Variants in PPP6R3 observed in about 807,000 individuals in gnomAD.
The protein encoded by PPP6R3 is serine/threonine-protein phosphatase 6 regulatory subunit 3.
A neutral mutation model predicts 110.7 loss-of-function variants in PPP6R3; 38 were observed. That is an observed-to-expected ratio of 0.34 (90% CI 0.26 to 0.45). The LOEUF is 0.45. Among genes scored for constraint, PPP6R3 ranks in the 20% least tolerant of loss-of-function variants. The pLI is 1.00. For missense variants in PPP6R3, 870 were observed against 1,062.4 expected, an observed-to-expected ratio of 0.82 and a Z score of 2.52; for synonymous variants, 369 against 373.5, an observed-to-expected ratio of 0.99 and a Z score of 0.14.
At chr11:68,475,487 C>T (rs1253164421) in intron 1 of PPP6R3, among the ~76,000 whole-genome samples, 5 of 151,658 alleles carry the variant, frequency 3.3e-5, no homozygotes, top group African/African-American at 9.7e-5. Context: ...CCAGAAGGGG[C>T]GGCCGAGCAG....
intron 1 of PPP6R3, among the ~76,000 whole-genome samples, chr11:68,480,120 A>T (rs2098894383): frequency 6.6e-6 from 1 of 151,220 alleles, no homozygotes; most frequent in Non-Finnish European, 1.5e-5. Flanking sequence ...TCTTTCTAGT[A>T]CTCTGTTTAG....
chr11:68,612,246 T>C (rs1281366312), intron 23 of PPP6R3, among the ~76,000 whole-genome samples: 1 of 152,206 alleles, frequency 6.6e-6, no homozygotes, highest in Non-Finnish European at 1.5e-5. Context: ...TGTAAGTAAG[T>C]GAGCAGAGTG....
At chr11:68,609,153 T>C (rs1361942507) in intron 22 of PPP6R3, among the ~76,000 whole-genome samples, 1 of 152,192 alleles carries the variant, frequency 6.6e-6, no homozygotes, top group East Asian at 1.9e-4. Flanking sequence ...CCCACAGAGC[T>C]GAGGAGAGTG....
At chr11:68,468,272 GGTA>G (rs1293052729) in intron 1 of PPP6R3, among the ~76,000 whole-genome samples, 4 of 152,144 alleles carry the variant, frequency 2.6e-5, no homozygotes, top group Non-Finnish European at 5.9e-5. Context: ...TTTTATTTTT[GGTA>G]GTAGTATGTG....
At chr11:68,461,501 G>T (rs967823402) in intron 1 of PPP6R3, among the ~76,000 whole-genome samples, 1 of 145,910 alleles carries the variant, frequency 6.9e-6, no homozygotes, top group Non-Finnish European at 1.5e-5. Flanking sequence ...GGGTGGGGGG[G>T]GTGGGTGGTC....
intron 17 of PPP6R3, among the ~76,000 whole-genome samples, chr11:68,591,275 G>A (rs1011081214): frequency 1.3e-5 from 2 of 152,174 alleles, no homozygotes; most frequent in East Asian, 3.9e-4. Context: ...GACAGACCTG[G>A]GACCGCATCT....
At chr11:68,463,440 CAA>C (rs987335121) in intron 1 of PPP6R3, among the ~76,000 whole-genome samples, 2 of 147,568 alleles carry the variant, frequency 1.4e-5, no homozygotes, top group African/African-American at 5.0e-5. Context: ...CTCTTTAAAA[CAA>C]GTGTCACGAT....
intron 6 of PPP6R3, 58 bp downstream of exon 6, chr11:68,551,244 A>C: frequency 7.7e-7 from 1 of 1,306,226 alleles, no homozygotes; most frequent in African/African-American, 1.5e-5. Context: ...AAAACTGTTT[A>C]TTGGGCACAG....
At chr11:68,550,903 A>G (rs554639129) in intron 5 of PPP6R3, 5 of 468,708 alleles carry the variant, frequency 1.1e-5, no homozygotes, top group African/African-American at 1.0e-4. Context: ...TGGGTATTGT[A>G]ATTTGGGGAG....
intron 8 of PPP6R3, among the ~76,000 whole-genome samples, chr11:68,559,306 GTTA>G (rs1463714883): frequency 6.6e-6 from 1 of 152,202 alleles, no homozygotes; most frequent in Non-Finnish European, 1.5e-5. Context: ...TGTGTGTCAT[GTTA>G]TTCTTTATAA....
At chr11:68,524,951 T>C (rs1565600842) in intron 2 of PPP6R3, among the ~76,000 whole-genome samples, 1 of 152,228 alleles carries the variant, frequency 6.6e-6, no homozygotes, top group Admixed American at 6.5e-5. Flanking sequence ...GAACTTGTCC[T>C]GAGAGCCATT....
At chr11:68,503,143 C>T (rs969661466) in intron 1 of PPP6R3, among the ~76,000 whole-genome samples, 2 of 152,104 alleles carry the variant, frequency 1.3e-5, no homozygotes, top group African/African-American at 4.8e-5. Context: ...CAGGTTTCAC[C>T]ATATTGGACA....
At chr11:68,555,915 C>T (rs1057262550) in intron 7 of PPP6R3, among the ~76,000 whole-genome samples, 3 of 152,184 alleles carry the variant, frequency 2.0e-5, no homozygotes, top group African/African-American at 7.2e-5. Flanking sequence ...CCAACCACTT[C>T]TAATATTTGA....
At chr11:68,505,467 T>TA (rs1189797859) in intron 1 of PPP6R3, among the ~76,000 whole-genome samples, 6 of 151,902 alleles carry the variant, frequency 3.9e-5, no homozygotes, top group Non-Finnish European at 8.8e-5. Context: ...CCTAGATTTT[T>TA]AAAAATTGAA....
At chr11:68,583,988 G>A (rs964658841) in intron 15 of PPP6R3, among the ~76,000 whole-genome samples, 2 of 152,118 alleles carry the variant, frequency 1.3e-5, no homozygotes, top group African/African-American at 4.8e-5. Flanking sequence ...CCTGTCTTTT[G>A]GCTTGTAAGT....
intron 1 of PPP6R3, among the ~76,000 whole-genome samples, chr11:68,477,733 A>ATATATATATATAT (rs2098842491): frequency 2.5e-5 from 1 of 39,598 alleles, no homozygotes; most frequent in African/African-American, 7.5e-5. Context: ...TCTCTTAAAA[A>ATATATATATATAT]AAAAAAAAAT....
At chr11:68,587,563 G>A in intron 15 of PPP6R3, 1 of 275,544 alleles carries the variant, frequency 3.6e-6, no homozygotes, top group Non-Finnish European at 7.1e-6. Flanking sequence ...GGATAAAGTT[G>A]GTTGTGTCCA....
Position 68,587,781 on chromosome 11 carries a change from T to C in PPP6R3, c.1633-146T>C, listed in dbSNP as rs753250512. The C allele has an allele frequency of 2.3e-5, 18 of 773,846 alleles. No individual in the cohort carries two copies. The Admixed American group carries it at 3.1e-4, about 13-fold the overall frequency. 47.9% of individuals were successfully genotyped at this position (773,846 alleles called of 1,614,324 possible). On this transcript the variant is annotated intron_variant, in intron 15 of 23. Coordinates refer to ENST00000393800, the MANE Select transcript of PPP6R3 (RefSeq NM_001164161.2). The stretch of plus-strand genomic sequence containing the variant: ...TTTTGGCAAATTGTGTCTGAAATTA[T>C]TTGATTTTTCTTTTAGAAAAACACA...
At chr11:68,514,992 T>G (rs2099128774) in intron 1 of PPP6R3, 1 of 152,200 alleles carries the variant, frequency 6.6e-6, no homozygotes, top group Non-Finnish European at 1.5e-5. Context: ...ATTGTAATTT[T>G]CAGGATTTTA....
Sources: gnomAD v4.1 joint callset for allele counts (sites outside exome capture counted in the v4.1 genomes callset) on GRCh38, gnomAD v4.1.1 for gene constraint, MANE v1.5 for transcripts, NCBI Gene and HGNC (gene_info 2026-07-23, HGNC 2026-07-21) for gene names.